Variants in ULK4 observed in about 807,000 individuals in gnomAD.
The protein encoded by ULK4 is unc-51 like kinase 4, also known as inactive serine/threonine-protein kinase ULK4.
A neutral mutation model predicts 160.6 loss-of-function variants in ULK4; 133 were observed. That is an observed-to-expected ratio of 0.83 (90% confidence interval 0.72 to 0.96). The LOEUF (loss-of-function observed/expected upper bound fraction) is 0.96. Among genes scored for constraint, ULK4 ranks in the 40% least tolerant of loss-of-function variants. The probability of loss-of-function intolerance (pLI) is 0.00; values close to 1 mark genes in which losing one functional copy is unlikely to be tolerated. For synonymous variants in ULK4, 534 were observed against 539.8 expected, an observed-to-expected ratio of 0.99 and a Z score of 0.15; for missense variants, 1,580 against 1,499.5, an observed-to-expected ratio of 1.05 and a Z score of -0.89.
At chr3:41,747,326 A>G (rs1384667653) in intron 22 of ULK4, among the ~76,000 whole-genome samples, 2 of 151,886 alleles carry the variant, frequency 1.3e-5, no homozygotes, top group Admixed American at 1.3e-4. Context: ...GCTCCTTCAC[A>G]TTGGCTCCTG....
At chr3:41,887,566 A>T (rs1254778739) in intron 16 of ULK4, among the ~76,000 whole-genome samples, 1 of 152,210 alleles carries the variant, frequency 6.6e-6, no homozygotes, top group African/African-American at 2.4e-5. Context: ...CATGCCTGTA[A>T]TCCCAGCATT....
At chr3:41,543,283 G>C (rs2086755086) in intron 32 of ULK4, among the ~76,000 whole-genome samples, 1 of 152,064 alleles carries the variant, frequency 6.6e-6, no homozygotes, top group Non-Finnish European at 1.5e-5. Context: ...CATCAAGATT[G>C]AAAGGAACAA....
At chr3:41,847,895 A>G (rs2042110903) in intron 17 of ULK4, among the ~76,000 whole-genome samples, 1 of 152,250 alleles carries the variant, frequency 6.6e-6, no homozygotes, top group African/African-American at 2.4e-5. Context: ...TACTGAACAG[A>G]TAAGGGAAGG....
At chr3:41,641,259 A>T (rs1407014628) in intron 30 of ULK4, among the ~76,000 whole-genome samples, 5 of 152,210 alleles carry the variant, frequency 3.3e-5, no homozygotes, top group African/African-American at 4.8e-5. Flanking sequence ...GTCAATTATG[A>T]TATACAACAT....
intron 32 of ULK4, among the ~76,000 whole-genome samples, chr3:41,538,050 T>C (rs918805383): frequency 2.6e-5 from 4 of 152,104 alleles, no homozygotes; most frequent in Non-Finnish European, 5.9e-5. Flanking sequence ...TGGTCAGCAG[T>C]TCCTTCTCCT....
intron 35 of ULK4, among the ~76,000 whole-genome samples, chr3:41,268,495 G>A (rs960275747): frequency 6.6e-6 from 1 of 152,140 alleles, no homozygotes; most frequent in Non-Finnish European, 1.5e-5. Flanking sequence ...GAGAGGTTCT[G>A]GCAGACTACC....
At position 41,845,306 on chromosome 3, in the gene ULK4, G is replaced by C. The variant is rs1054799355; in HGVS notation, c.1657-9335C>G. On this transcript the variant is annotated intron_variant, in intron 17 of 36. Transcript: ENST00000301831. ...ATGGGTAAGTGGTTAAATAAACTGT[G>C]ATTCAACCACACCACAGAATACTTC... Among the ~76,000 whole-genome samples the C allele has an allele frequency of 3.9e-5, 6 of 152,208 alleles. No individual in the cohort carries two copies. In the South Asian group the frequency reaches 8.3e-4, roughly 21 times the overall value.
At chr3:41,772,388 A>T in intron 21 of ULK4, among the ~76,000 whole-genome samples, 1 of 152,074 alleles carries the variant, frequency 6.6e-6, no homozygotes, top group Non-Finnish European at 1.5e-5. Flanking sequence ...TAAAGGGGAT[A>T]TCACCACCGA....
intron 30 of ULK4, among the ~76,000 whole-genome samples, chr3:41,634,232 T>A (rs1167767788): frequency 1.3e-5 from 2 of 152,226 alleles, no homozygotes; most frequent in East Asian, 1.9e-4. Flanking sequence ...GATGTCCTTG[T>A]GCTTTTGCCT....
chr3:41,682,624 A>G (rs1331921791), intron 27 of ULK4, among the ~76,000 whole-genome samples: 2 of 152,240 alleles, frequency 1.3e-5, no homozygotes, highest in Non-Finnish European at 2.9e-5. Context: ...CAGTATTAAC[A>G]TATTCTATCT....
At chr3:41,695,404 G>A (rs889700332) in intron 27 of ULK4, among the ~76,000 whole-genome samples, 12 of 152,116 alleles carry the variant, frequency 7.9e-5, no homozygotes, top group East Asian at 3.9e-4. Flanking sequence ...AAAGAAAACC[G>A]GAGCTCCTCA....
intron 17 of ULK4, among the ~76,000 whole-genome samples, chr3:41,853,731 T>C (rs1444829944): frequency 6.6e-6 from 1 of 152,154 alleles, no homozygotes; most frequent in African/African-American, 2.4e-5. Flanking sequence ...TTTCAGTAAC[T>C]TTCTCCTGAT....
At chr3:41,692,125 G>C (rs915776961) in intron 27 of ULK4, among the ~76,000 whole-genome samples, 4 of 151,052 alleles carry the variant, frequency 2.6e-5, no homozygotes. Context: ...CTAATTTTTT[G>C]TATTTTTAGT....
Position 41,318,938 on chromosome 3 carries a change from C to T in ULK4, c.3679-69364G>A, listed in dbSNP as rs569238332. Among the ~76,000 whole-genome samples, 3 of 152,158 alleles carry T rather than the reference C, an allele frequency of 2.0e-5. No individual in the cohort carries two copies. The South Asian group carries it at 6.2e-4, about 32-fold the overall frequency. On this transcript the variant is annotated intron_variant, in intron 35 of 36. Coordinates refer to ENST00000301831, the MANE Select transcript of ULK4 (RefSeq NM_017886.4). Reference sequence around the variant, plus strand: ...ACTTCCAGTGTATGTTAATTTGGTTCTAAAAAGAACTACGGTATGGAAGAA... The same window carrying T: ...ACTTCCAGTGTATGTTAATTTGGTTTTAAAAAGAACTACGGTATGGAAGAA...
intron 31 of ULK4, among the ~76,000 whole-genome samples, chr3:41,573,366 C>T (rs1290538570): frequency 6.6e-6 from 1 of 152,166 alleles, no homozygotes; most frequent in Non-Finnish European, 1.5e-5. Context: ...AGCAGTTTCA[C>T]CGTAGACAGG....
intron 22 of ULK4, among the ~76,000 whole-genome samples, chr3:41,722,726 A>T (rs2037518036): frequency 6.6e-6 from 1 of 152,116 alleles, no homozygotes; most frequent in South Asian, 2.1e-4. Context: ...AAATTGTTCT[A>T]CTCCTTTTGA....
In ULK4 at chr3:41,358,468, G is replaced by C. The variant is rs532851142; in HGVS notation, c.3678+39611C>G. On this transcript the variant is annotated intron_variant, in intron 35 of 36. Coordinates refer to ENST00000301831, the MANE Select transcript of ULK4 (RefSeq NM_017886.4). The stretch of plus-strand genomic sequence containing the variant: ...GGCAAAGGATGCAGAGGCAGAGAAA[G>C]GGGCGCCTGTTCCTGCAGGCTGGTC... Among the ~76,000 whole-genome samples, 3 of 152,308 alleles carry C rather than the reference G, an allele frequency of 2.0e-5. No individual in the cohort carries two copies. In the East Asian group the frequency reaches 5.8e-4, roughly 29 times the overall value.
At chr3:41,435,895 CAA>C (rs1328492235) in intron 34 of ULK4, among the ~76,000 whole-genome samples, 1 of 152,112 alleles carries the variant, frequency 6.6e-6, no homozygotes, top group African/African-American at 2.4e-5. Context: ...TTGGAGTGAG[CAA>C]AGATTGCGCC....
At chr3:41,549,879 T>C (rs1247828370) in intron 32 of ULK4, among the ~76,000 whole-genome samples, 5 of 151,982 alleles carry the variant, frequency 3.3e-5, no homozygotes, top group South Asian at 4.2e-4. Context: ...CAGGAGACAA[T>C]TGGATGATAT....
Sources: gnomAD v4.1 joint callset for allele counts (sites outside exome capture counted in the v4.1 genomes callset) on GRCh38, gnomAD v4.1.1 for gene constraint, MANE v1.5 for transcripts, NCBI Gene and HGNC (gene_info 2026-07-23, HGNC 2026-07-21) for gene names.